The following DNM3 variants were observed in gnomAD, a reference collection of about 807,000 sequenced individuals.
The protein encoded by DNM3 is dynamin-3.
A neutral mutation model predicts 101.6 loss-of-function variants in DNM3; 47 were observed. The ratio of observed to expected loss-of-function variants is 0.46; its 90% CI spans 0.37 to 0.59. The LOEUF (loss-of-function observed/expected upper bound fraction) is 0.59, where lower values mean the gene tolerates loss of function less well. Ranked by LOEUF, DNM3 falls within the 20% of genes least tolerant of loss-of-function variation. The probability of loss-of-function intolerance (pLI) is 0.00; values close to 1 mark genes in which losing one functional copy is unlikely to be tolerated. For missense variants in DNM3, 849 were observed against 1,085.7 expected (o/e 0.78, Z 3.06); for synonymous variants, 385 against 387.9 (o/e 0.99, Z 0.09).
chr1:172,315,670 A>C (rs927565318), intron 16 of DNM3, among the ~76,000 whole-genome samples: 1 of 152,222 alleles, frequency 6.6e-6, no homozygotes, highest in Non-Finnish European at 1.5e-5. Flanking sequence ...AAATGAAGTG[A>C]GAAGGGAAGT....
intron 1 of DNM3, among the ~76,000 whole-genome samples, chr1:171,911,699 T>A (rs893059462): frequency 6.6e-6 from 1 of 152,156 alleles, no homozygotes; most frequent in Non-Finnish European, 1.5e-5. Context: ...TAATGTATAT[T>A]CAGGACCAAG....
chr1:172,324,917 C>T (rs1166901741), intron 17 of DNM3, among the ~76,000 whole-genome samples: 5 of 152,080 alleles, frequency 3.3e-5, no homozygotes, highest in Admixed American at 1.3e-4. Flanking sequence ...ACCAGGGAGC[C>T]AGCTGCTGAC....
At chr1:172,265,999 A>G (rs566625480) in intron 15 of DNM3, among the ~76,000 whole-genome samples, 109 of 152,308 alleles carry the variant, frequency 7.2e-4, no homozygotes, top group Middle Eastern at 6.8e-3. Flanking sequence ...CTTTTCCTAT[A>G]GAAAGTGATT....
chr1:172,111,796 T>C (rs1274531644), intron 13 of DNM3, among the ~76,000 whole-genome samples: 3 of 149,400 alleles, frequency 2.0e-5, no homozygotes, highest in East Asian at 1.9e-4. Context: ...AATAGTATAA[T>C]AGATGGACTC....
At chr1:172,287,365 A>G (rs2063741010) in intron 15 of DNM3, among the ~76,000 whole-genome samples, 1 of 152,174 alleles carries the variant, frequency 6.6e-6, no homozygotes, top group Admixed American at 6.5e-5. Context: ...TATAACCAAA[A>G]TTCACACTTT....
At chr1:172,063,669 C>T (rs2051424498) in intron 10 of DNM3, among the ~76,000 whole-genome samples, 1 of 150,918 alleles carries the variant, frequency 6.6e-6, no homozygotes, top group Non-Finnish European at 1.5e-5. Flanking sequence ...GTTCCAACTA[C>T]TCAGGAGGCT....
chr1:171,871,819 A>G (rs1451333180), intron 1 of DNM3, among the ~76,000 whole-genome samples: 2 of 150,194 alleles, frequency 1.3e-5, no homozygotes, highest in African/African-American at 2.5e-5. Flanking sequence ...TATAAGTTAC[A>G]TATCCTAATT....
intron 20 of DNM3, among the ~76,000 whole-genome samples, chr1:172,396,301 G>A (rs749307010): frequency 6.6e-6 from 1 of 152,176 alleles, no homozygotes. Flanking sequence ...ATAATCCATA[G>A]CAAGGTAGGG....
intron 1 of DNM3, among the ~76,000 whole-genome samples, chr1:171,855,589 T>C (rs2033517868): frequency 1.3e-5 from 2 of 152,238 alleles, no homozygotes; most frequent in African/African-American, 4.8e-5. Context: ...TGTGAGATGG[T>C]ATCTTCATTG....
At chr1:172,332,567 C>T (rs1006966447) in intron 17 of DNM3, among the ~76,000 whole-genome samples, 3 of 152,132 alleles carry the variant, frequency 2.0e-5, no homozygotes, top group African/African-American at 7.2e-5. Context: ...CCTTAGCCTC[C>T]CAAAGTGCTA....
At position 172,244,687 on chromosome 1, in the gene DNM3, T is replaced by A. The variant is rs2061882492; in HGVS notation, c.1660-8886T>A. Among the ~76,000 whole-genome samples, 3 of 152,168 alleles carry A rather than the reference T, an allele frequency of 2.0e-5. No homozygotes were observed. The South Asian group carries it at 6.2e-4, about 32-fold the overall frequency. Reference sequence around the variant, plus strand: ...CTCACACCAGTTAGAATGGCAATCATTAAAAAGTCAGGAAACAACAGGTGC... The same window carrying A: ...CTCACACCAGTTAGAATGGCAATCAATAAAAAGTCAGGAAACAACAGGTGC... On this transcript the variant is annotated intron_variant, in intron 14 of 20. Transcript: ENST00000627582.
chr1:172,203,588 T>A (rs901061236), intron 14 of DNM3, among the ~76,000 whole-genome samples: 9 of 152,200 alleles, frequency 5.9e-5, no homozygotes, highest in African/African-American at 2.2e-4. Flanking sequence ...TAGACTCATG[T>A]TATTTCTCAG....
intron 14 of DNM3, among the ~76,000 whole-genome samples, chr1:172,145,358 C>T (rs940881499): frequency 2.7e-5 from 4 of 150,566 alleles, no homozygotes; most frequent in African/African-American, 9.8e-5. Context: ...CCCTCTTCCC[C>T]TCTCCCTCCC....
intron 17 of DNM3, among the ~76,000 whole-genome samples, chr1:172,364,795 T>C (rs143795527): frequency 9.9e-5 from 15 of 151,982 alleles, no homozygotes; most frequent in Non-Finnish European, 1.9e-4. Flanking sequence ...TGAGTTCTTA[T>C]AAAATCTGGT....
At chr1:172,197,345 G>A (rs1240570078) in intron 14 of DNM3, among the ~76,000 whole-genome samples, 2 of 152,072 alleles carry the variant, frequency 1.3e-5, no homozygotes, top group Non-Finnish European at 2.9e-5. Flanking sequence ...GTAACATGAT[G>A]CCTCCAGCTT....
At chr1:172,242,487 G>C (rs184336305) in intron 14 of DNM3, among the ~76,000 whole-genome samples, 1 of 152,242 alleles carries the variant, frequency 6.6e-6, no homozygotes, top group Non-Finnish European at 1.5e-5. Context: ...CTGTCATCTA[G>C]GCTGGAGTTC....
At chr1:172,277,370 T>C (rs1016424412) in intron 15 of DNM3, among the ~76,000 whole-genome samples, 1 of 152,010 alleles carries the variant, frequency 6.6e-6, no homozygotes, top group Non-Finnish European at 1.5e-5. Flanking sequence ...AGCAGGAAAA[T>C]GGCAGACTAA....
chr1:172,132,605 G>C (rs115525437), intron 14 of DNM3, among the ~76,000 whole-genome samples: 39 of 152,094 alleles, frequency 2.6e-4, no homozygotes, highest in Non-Finnish European at 5.9e-5. Context: ...TTGTAATAAG[G>C]TATTTCTATT....
At chr1:171,920,406 AC>A (rs1485311793) in intron 1 of DNM3, among the ~76,000 whole-genome samples, 1 of 152,188 alleles carries the variant, frequency 6.6e-6, no homozygotes, top group Non-Finnish European at 1.5e-5. Flanking sequence ...TGGTTTTCAA[AC>A]CTTGGTGAGC....
Sources: allele counts gnomAD v4.1 joint callset (sites outside exome capture counted in the v4.1 genomes callset), GRCh38; gene constraint gnomAD v4.1.1; transcripts MANE v1.5; gene names NCBI Gene and HGNC (gene_info 2026-07-23, HGNC 2026-07-21).